The following RFFL variants were observed in gnomAD, a reference collection of about 807,000 sequenced individuals.
RFFL encodes the protein E3 ubiquitin-protein ligase rififylin.
Under a neutral mutation model 40.4 loss-of-function variants are expected in RFFL, and 16 were observed. The observed-to-expected ratio is 0.40, with a 90% CI of 0.27 to 0.60. The LOEUF (loss-of-function observed/expected upper bound fraction) is 0.60. RFFL is among the 20% of genes least tolerant of loss of function. RFFL has a pLI of 0.47. For missense variants in RFFL, 367 were observed against 451.7 expected, an observed-to-expected ratio of 0.81 and a Z score of 1.70; for synonymous variants, 154 against 167.9, an observed-to-expected ratio of 0.92 and a Z score of 0.64.
intron 1 of RFFL, chr17:35,069,352 G>T (rs1032637475): frequency 2.2e-6 from 1 of 456,522 alleles, no homozygotes; most frequent in Non-Finnish European, 4.4e-6. Context: ...ATCTTGAAGG[G>T]TGATTTCTAG....
intron 1 of RFFL, among the ~76,000 whole-genome samples, chr17:35,040,042 T>G (rs1202630024): frequency 6.6e-6 from 1 of 152,002 alleles, no homozygotes; most frequent in African/African-American, 2.4e-5. Flanking sequence ...CAACCACCAT[T>G]CCTAATCTCT....
rs1217342579 is a variant in RFFL at position 35,026,371 on chromosome 17, C to T, written c.180+3G>A. ...CAGAGCAGGCCAAGAAGTCAGCACTCACCTTCCTGGCCGTGTTTGCAAAGT... is the reference window on the plus strand; with the variant it reads ...CAGAGCAGGCCAAGAAGTCAGCACTTACCTTCCTGGCCGTGTTTGCAAAGT... On this transcript the variant is annotated splice_donor_region_variant and intron_variant, in intron 2 of 6. Coordinates refer to ENST00000394597, the MANE Select transcript of RFFL (RefSeq NM_001017368.2). 1.2e-6 allele frequency: 2 copies of T among 1,613,396 alleles called. No individual in the cohort carries two copies. Among genetic ancestry groups the T allele is most frequent in the Non-Finnish European group, 8.5e-7 (1 of 1,179,720 alleles).
intron 1 of RFFL, among the ~76,000 whole-genome samples, chr17:35,031,362 C>T (rs1364930714): frequency 1.3e-5 from 2 of 152,096 alleles, no homozygotes; most frequent in South Asian, 2.1e-4. Flanking sequence ...CTGCCACGGC[C>T]TCCCAAAGTG....
At chr17:35,038,914 T>C (rs922395821) in intron 1 of RFFL, among the ~76,000 whole-genome samples, 1 of 152,234 alleles carries the variant, frequency 6.6e-6, no homozygotes, top group African/African-American at 2.4e-5. Flanking sequence ...ATGAGTGTTG[T>C]GTTTTGTTTT....
At chr17:35,040,232 TC>T (rs1567707920) in intron 1 of RFFL, among the ~76,000 whole-genome samples, 1 of 152,084 alleles carries the variant, frequency 6.6e-6, no homozygotes, top group African/African-American at 2.4e-5. Context: ...TTCTTACCCC[TC>T]CCTCTGTTCT....
At chr17:35,021,271 T>C (rs1441604379) in intron 3 of RFFL, 100 bp downstream of exon 3, 1 of 1,212,618 alleles carries the variant, frequency 8.2e-7, no homozygotes, top group Non-Finnish European at 1.1e-6. Context: ...ATCAAGACAC[T>C]TAGCCTTATA....
rs118119655 is a variant in RFFL, at chr17:35,088,051, G to A, written c.-9+1054C>T. Among the ~76,000 whole-genome samples, 502 of 152,254 alleles carry A rather than the reference G, an allele frequency of 3.3e-3. 6 individuals are homozygous for A. The highest frequency in any genetic ancestry group is 0.02 in the Admixed American group (301 of 15,300). On this transcript the variant is annotated intron_variant, in intron 1 of 6. Coordinates refer to the RFFL transcript ENST00000315249. ...ACATTTCAGTAAATTGAACTGTCAC[G>A]GGGAGAATAAGGCACCCCAAACAGT...
intron 1 of RFFL, among the ~76,000 whole-genome samples, chr17:35,049,637 T>C (rs148772223): frequency 5.3e-5 from 8 of 152,294 alleles, no homozygotes; most frequent in Admixed American, 3.3e-4. Flanking sequence ...GCAGCTAGCA[T>C]TAGATGCAGC....
intron 1 of RFFL, among the ~76,000 whole-genome samples, chr17:35,042,950 G>C (rs561273243): frequency 6.6e-6 from 1 of 152,124 alleles, no homozygotes; most frequent in Non-Finnish European, 1.5e-5. Context: ...TGCTGAAGTG[G>C]TGCATGGGCT....
chr17:35,015,452 G>T (rs2090967473), intron 5 of RFFL, among the ~76,000 whole-genome samples: 1 of 152,252 alleles, frequency 6.6e-6, no homozygotes, highest in Non-Finnish European at 1.5e-5. Flanking sequence ...CATCTGTTCT[G>T]TTCCCCAGGT....
At chr17:35,012,280 T>A in intron 6 of RFFL, 131 bp from the exon 7 acceptor site, 2 of 706,190 alleles carry the variant, frequency 2.8e-6, no homozygotes, top group Non-Finnish European at 2.3e-6. Context: ...GTGCACATGC[T>A]TCCCTCAAAT....
chr17:35,012,113 C>A lies in RFFL; in HGVS notation c.947G>T (p.Cys316Phe). ...AVPSGLEENL[C>F]KICMDSPIDC... ...AATGGGTGAGTCCATGCAGATCTTACACAGGTTCTCCTCCAAGCCTGATGG... is the reference window on the plus strand; with the variant it reads ...AATGGGTGAGTCCATGCAGATCTTAAACAGGTTCTCCTCCAAGCCTGATGG... Residue 316 changes from cysteine to phenylalanine, a missense_variant, in exon 7 of 7, where the codon TGT becomes TTT. Coordinates refer to ENST00000394597, the MANE Select transcript of RFFL (RefSeq NM_001017368.2). 6.2e-7 allele frequency: 1 copy of A among 1,614,126 alleles called. No homozygotes were observed.
chr17:35,065,845 C>T (rs2091318662), upstream of RFFL, among the ~76,000 whole-genome samples: 1 of 152,188 alleles, frequency 6.6e-6, no homozygotes, highest in South Asian at 2.1e-4. Context: ...TAAAAAGGTA[C>T]TCGTTTGAAC....
chr17:35,082,657 T>A (rs1423919367), intron 1 of RFFL, among the ~76,000 whole-genome samples: 1 of 152,236 alleles, frequency 6.6e-6, no homozygotes, highest in East Asian at 1.9e-4. Flanking sequence ...GAAAAGCATC[T>A]TAAGCCTACA....
intron 1 of RFFL, among the ~76,000 whole-genome samples, chr17:35,048,169 G>A (rs1052518154): frequency 4.6e-5 from 7 of 152,018 alleles, no homozygotes; most frequent in East Asian, 3.9e-4. Flanking sequence ...TTGGGAGGCC[G>A]AGGTGGGCGG....
Position 35,055,697 on chromosome 17 carries a change from C to CA in RFFL, c.-9+7878dup, listed in dbSNP as rs545193320. On this transcript the variant is annotated intron_variant, in intron 1 of 6. Transcript: ENST00000394597. ...AAAAAAAAACAAACAAACAAACAAA[C>CA]AAAAAAAAAACATTAATCAGGCTGG... Among the ~76,000 whole-genome samples the CA allele has an allele frequency of 1.2e-3, 169 of 142,256 alleles. 1 individual carries two copies. The highest frequency in any genetic ancestry group is 6.8e-3 in the South Asian group (31 of 4,544). The allele number at this position is 142,256 out of a possible 152,430, so 93.3% of individuals were successfully genotyped here.
intron 1 of RFFL, among the ~76,000 whole-genome samples, chr17:35,053,148 T>G (rs2091241313): frequency 6.6e-6 from 1 of 152,150 alleles, no homozygotes; most frequent in African/African-American, 2.4e-5. Flanking sequence ...AGGAAGGAGT[T>G]GATGGACTAG....
chr17:35,020,436 C>T lies in RFFL; in HGVS notation c.591+935G>A, dbSNP rs554847548. ...TGAACTCTGTTGTGAACTGCGCATGCGAGGGATCTAGGATGCATGCTCCTT... is the reference window on the plus strand; with the variant it reads ...TGAACTCTGTTGTGAACTGCGCATGTGAGGGATCTAGGATGCATGCTCCTT... On this transcript the variant is annotated intron_variant, in intron 3 of 6. Coordinates refer to ENST00000394597, the MANE Select transcript of RFFL (RefSeq NM_001017368.2). 2.0e-5 allele frequency among the ~76,000 whole-genome samples: 3 copies of T among 149,952 alleles called. No individual in the cohort carries two copies. The South Asian group carries it at 6.4e-4, about 32-fold the overall frequency.
chr17:35,051,556 T>C (rs1420740645), intron 1 of RFFL, among the ~76,000 whole-genome samples: 1 of 152,188 alleles, frequency 6.6e-6, no homozygotes, highest in African/African-American at 2.4e-5. Context: ...AAACCAATCA[T>C]GAGTGTCTAA....
Sources: allele counts gnomAD v4.1 joint callset (sites outside exome capture counted in the v4.1 genomes callset), GRCh38; gene constraint gnomAD v4.1.1; transcripts MANE v1.5; gene names NCBI Gene and HGNC (gene_info 2026-07-23, HGNC 2026-07-21).